The following PIP5K1C variants were observed in gnomAD, a reference collection of about 807,000 sequenced individuals.
PIP5K1C encodes phosphatidylinositol 4-phosphate 5-kinase type-1 gamma.
A neutral mutation model predicts 80.1 loss-of-function variants in PIP5K1C; 45 were observed. That is an observed-to-expected ratio of 0.56 (90% confidence interval 0.44 to 0.72). The LOEUF is 0.72. Among genes scored for constraint, PIP5K1C ranks in the 30% least tolerant of loss-of-function variants. The probability of loss-of-function intolerance (pLI) is 0.00; values close to 1 mark genes in which losing one functional copy is unlikely to be tolerated. For missense variants in PIP5K1C, 753 were observed against 954.6 expected (o/e 0.79, Z 2.78); for synonymous variants, 498 against 420.1 (o/e 1.19, Z -2.27).
chr19:3,634,846 C>T (rs753911912), intron 16 of PIP5K1C, among the ~76,000 whole-genome samples: 2 of 152,256 alleles, frequency 1.3e-5, no homozygotes, highest in Non-Finnish European at 2.9e-5. Context: ...GCCCTGGGCA[C>T]CGAGGGCAGC....
intron 1 of PIP5K1C, among the ~76,000 whole-genome samples, chr19:3,681,580 TAC>T (rs1333561963): frequency 6.6e-6 from 1 of 152,078 alleles, no homozygotes; most frequent in Non-Finnish European, 1.5e-5. Flanking sequence ...CTGCAGCTCG[TAC>T]ACACATCCCC....
rs1568322705 is a variant in PIP5K1C at position 3,648,902 on chromosome 19, G to A, written c.1128-194C>T. ...CCATCACCCCCAGCCTCAAACCCAG[G>A]CCCAGGCACTGCTGAGGAGTCCCAG... On this transcript the variant is annotated intron_variant, in intron 8 of 17. Transcript: ENST00000335312. The surrounding 1 kb of genome is among the most constrained non-coding windows in gnomAD (Gnocchi z 4.3). Among the ~76,000 whole-genome samples the A allele has an allele frequency of 6.6e-6, 1 of 152,054 alleles. No individual in the cohort carries two copies. The highest frequency in any genetic ancestry group is 1.5e-5 in the Non-Finnish European group (1 of 67,970).
At chr19:3,693,659 C>T (rs1176715734) in intron 1 of PIP5K1C, among the ~76,000 whole-genome samples, 1 of 152,206 alleles carries the variant, frequency 6.6e-6, no homozygotes, top group African/African-American at 2.4e-5. Context: ...CCTGGAGCCT[C>T]GGTTTCCCCA....
At chr19:3,660,831 C>T (rs1219722790) in intron 5 of PIP5K1C, 135 bp downstream of exon 5, 10 of 708,042 alleles carry the variant, frequency 1.4e-5, no homozygotes, top group South Asian at 2.8e-5. Context: ...CAGGAGACTC[C>T]GGCCCTGAAC....
At chr19:3,654,256 G>A (rs569652944) in intron 6 of PIP5K1C, among the ~76,000 whole-genome samples, 34 of 152,354 alleles carry the variant, frequency 2.2e-4, no homozygotes, top group African/African-American at 7.9e-4. Context: ...GGGTCCTGCT[G>A]TACCCTGTAG....
At chr19:3,665,876 C>T (rs552973302) in intron 2 of PIP5K1C, among the ~76,000 whole-genome samples, 1 of 152,248 alleles carries the variant, frequency 6.6e-6, no homozygotes, top group South Asian at 2.1e-4. Flanking sequence ...ACTGCGTTTG[C>T]TAGGAGACCC....
intron 4 of PIP5K1C, 127 bp from the exon 5 acceptor site, chr19:3,661,210 A>T (rs1033769652): frequency 1.6e-6 from 1 of 637,992 alleles, no homozygotes; most frequent in African/African-American, 1.8e-5. Flanking sequence ...ACTTCCTTGA[A>T]ACGGCCCAAT....
At position 3,637,098 on chromosome 19, in the gene PIP5K1C, T is replaced by A. The variant is rs2145371072; in HGVS notation, c.1920+1786A>T. ...GGCCCTGCGGTTCAGAGCCCGGCCC[T>A]GCAGCCACTCTGCTGACCTGTGCAA... On this transcript the variant is annotated intron_variant, in intron 16 of 17. Coordinates refer to ENST00000335312, the MANE Select transcript of PIP5K1C (RefSeq NM_012398.3). The surrounding 1 kb of genome is among the most constrained non-coding windows in gnomAD (Gnocchi z 7.0). The A allele has an allele frequency of 7.7e-7, 1 of 1,294,982 alleles. No individual in the cohort carries two copies. The highest frequency in any genetic ancestry group is 3.1e-4 in the Middle Eastern group (1 of 3,246). 80.2% of individuals were successfully genotyped at this position (1,294,982 alleles called of 1,614,324 possible). A position where few individuals can be genotyped will look rare whatever the true frequency, so the allele number is the denominator to read the frequency against.
intron 5 of PIP5K1C, among the ~76,000 whole-genome samples, chr19:3,660,176 C>A (rs542181645): frequency 1.7e-4 from 26 of 152,264 alleles, no homozygotes; most frequent in Middle Eastern, 3.4e-3. Context: ...GTCAGGAGAT[C>A]GAGACCATCC....
chr19:3,685,215 C>T (rs560298323), intron 1 of PIP5K1C, among the ~76,000 whole-genome samples: 39 of 152,288 alleles, frequency 2.6e-4, no homozygotes, highest in African/African-American at 9.4e-4. Context: ...GGGGGTGATG[C>T]CCGTGTCAAT....
intron 1 of PIP5K1C, among the ~76,000 whole-genome samples, chr19:3,678,478 A>AT (rs1555727774): frequency 1.1e-5 from 1 of 88,504 alleles, no homozygotes; most frequent in Non-Finnish European, 2.3e-5. Context: ...GGAGGGATGG[A>AT]GGAGGGATGG....
chr19:3,653,912 G>C (rs1442647618), intron 6 of PIP5K1C, among the ~76,000 whole-genome samples: 1 of 152,240 alleles, frequency 6.6e-6, no homozygotes. Context: ...CTCGCCTGTT[G>C]GGAGGTCTGG....
Position 3,688,293 on chromosome 19 carries a change from C to A in PIP5K1C, c.94+12004G>T, listed in dbSNP as rs553068588. On this transcript the variant is annotated intron_variant, in intron 1 of 17. Coordinates refer to ENST00000335312, the MANE Select transcript of PIP5K1C (RefSeq NM_012398.3). This position sits in a 1 kb window ranked among gnomAD's most constrained non-coding sequence, Gnocchi z 5.3. ...AGTACAGTGTCCCTGAAGGGAATTC[C>A]TTCCAGAGCCTGAGGTTAGGCCGTG... Among the ~76,000 whole-genome samples, 1 of 152,336 alleles carries A rather than the reference C, an allele frequency of 6.6e-6. No homozygotes were observed. Among genetic ancestry groups the A allele is most frequent in the Non-Finnish European group, 1.5e-5 (1 of 68,014 alleles).
At chr19:3,658,501 C>T (rs1026629720) in intron 5 of PIP5K1C, among the ~76,000 whole-genome samples, 3 of 152,266 alleles carry the variant, frequency 2.0e-5, no homozygotes, top group Admixed American at 6.5e-5. Flanking sequence ...CACGGCAGGA[C>T]GCCCTCCAGC....
Position 3,661,857 on chromosome 19 carries a change from G to A in PIP5K1C, c.350+14C>T, listed in dbSNP as rs2034842400. 2 of 1,610,472 alleles carry A rather than the reference G, an allele frequency of 1.2e-6. No individual in the cohort carries two copies. The highest frequency in any genetic ancestry group is 1.7e-6 in the Non-Finnish European group (2 of 1,179,922). On this transcript the variant is annotated intron_variant, in intron 4 of 17. Coordinates refer to ENST00000335312, the MANE Select transcript of PIP5K1C (RefSeq NM_012398.3). ...GTGCTGGGTGAGCCCTGAGGCTCCGGGGGCCCGGCCCACCTGGGGAAGAAG... is the reference window on the plus strand; with the variant it reads ...GTGCTGGGTGAGCCCTGAGGCTCCGAGGGCCCGGCCCACCTGGGGAAGAAG...
intron 1 of PIP5K1C, among the ~76,000 whole-genome samples, chr19:3,678,034 GAGA>G (rs2035435990): frequency 7.7e-6 from 1 of 129,482 alleles, no homozygotes; most frequent in Non-Finnish European, 1.7e-5. Flanking sequence ...CGGAGGGATG[GAGA>G]ATGGAGGGAT....
Position 3,633,057 on chromosome 19 carries a change from C to T in PIP5K1C, c.*110G>A, listed in dbSNP as rs747066095. 50 of 675,668 alleles carry T rather than the reference C, an allele frequency of 7.4e-5. No homozygotes were observed. The highest frequency in any genetic ancestry group is 2.2e-4 in the South Asian group (14 of 62,800). The allele number at this position is 675,668 out of a possible 1,614,324, so 41.9% of individuals were successfully genotyped here. A position where few individuals can be genotyped will look rare whatever the true frequency, so the allele number is the denominator to read the frequency against. ...AGGGGGAGGACGAGGTCCGGTGGGG[C>T]GGCGAGGCGGGCATCTCCCGAGCTC... is the stretch of plus-strand genomic sequence containing the variant. On this transcript the variant is annotated 3_prime_UTR_variant, in exon 18 of 18. Transcript: ENST00000335312.
intron 6 of PIP5K1C, 111 bp downstream of exon 6, chr19:3,656,293 CA>C: frequency 8.0e-7 from 1 of 1,243,552 alleles, no homozygotes; most frequent in South Asian, 1.2e-5. Context: ...AGATGCCTCT[CA>C]CCACGCCCCA....
intron 5 of PIP5K1C, among the ~76,000 whole-genome samples, chr19:3,657,304 G>C (rs1231617003): frequency 2.0e-5 from 3 of 152,226 alleles, no homozygotes; most frequent in African/African-American, 7.2e-5. Flanking sequence ...GACTCGACAG[G>C]TGCTCGATTT....
Sources: allele counts gnomAD v4.1 joint callset (sites outside exome capture counted in the v4.1 genomes callset), GRCh38; gene constraint gnomAD v4.1.1; non-coding constraint Gnocchi (gnomAD v3.1); transcripts MANE v1.5; gene names NCBI Gene and HGNC (gene_info 2026-07-23, HGNC 2026-07-21).